Variants in COL5A2 observed in about 807,000 individuals in gnomAD.
The protein encoded by COL5A2 is collagen type V alpha 2 chain, also known as collagen alpha-2(V) chain.
A neutral mutation model predicts 208.2 loss-of-function variants in COL5A2; 23 were observed. The ratio of observed to expected loss-of-function variants is 0.11; its 90% CI spans 0.08 to 0.16. The LOEUF (loss-of-function observed/expected upper bound fraction) is 0.16. Ranked by LOEUF, COL5A2 falls within the 10% of genes least tolerant of loss-of-function variation. The pLI is 1.00. For synonymous variants in COL5A2, 625 were observed against 628.5 expected, an observed-to-expected ratio of 0.99 and a Z score of 0.08; for missense variants, 1,590 against 1,956.4, an observed-to-expected ratio of 0.81 and a Z score of 3.53.
chr2:189,103,737 G>A (rs757864046), intron 3 of COL5A2, among the ~76,000 whole-genome samples: 2 of 151,966 alleles, frequency 1.3e-5, no homozygotes, highest in Non-Finnish European at 2.9e-5. Context: ...GGTGAAGGAG[G>A]GGAGAGGAGG....
the COL5A2 span, among the ~76,000 whole-genome samples, chr2:189,384,066 T>C: frequency 3.9e-5 from 6 of 152,184 alleles, no homozygotes; most frequent in African/African-American, 1.2e-4. Context: ...TTTCCATTCA[T>C]GTTTTTGCAA....
chr2:189,317,204 T>G, the COL5A2 span, among the ~76,000 whole-genome samples: 1 of 152,100 alleles, frequency 6.6e-6, no homozygotes, highest in Admixed American at 6.5e-5. Flanking sequence ...TAAGATTACT[T>G]TATGGAGATG....
At chr2:189,312,046 T>A in the COL5A2 span, 2 of 758,166 alleles carry the variant, frequency 2.6e-6, no homozygotes, top group Non-Finnish European at 4.8e-6. Flanking sequence ...TACTTGACTC[T>A]GAAGTCATCA....
chr2:189,136,802 T>C (rs1687836095), intron 1 of COL5A2, among the ~76,000 whole-genome samples: 1 of 152,110 alleles, frequency 6.6e-6, no homozygotes, highest in Non-Finnish European at 1.5e-5. Flanking sequence ...CTTTTTTCCA[T>C]TTTCTTGCCA....
intron 1 of COL5A2, among the ~76,000 whole-genome samples, chr2:189,120,693 G>A (rs920806975): frequency 2.6e-5 from 4 of 152,036 alleles, no homozygotes; most frequent in Non-Finnish European, 5.9e-5. Flanking sequence ...ACATAGCAGA[G>A]AGAAAGTGGA....
chr2:189,075,509 TA>T, intron 16 of COL5A2, 72 bp from the exon 17 acceptor site: 2 of 1,275,508 alleles, frequency 1.6e-6, no homozygotes, highest in South Asian at 2.5e-5. Context: ...ATTTGCCTTA[TA>T]AAAAATTTCC....
chr2:189,065,905 A>T (rs1363229960), intron 23 of COL5A2, among the ~76,000 whole-genome samples: 1 of 152,206 alleles, frequency 6.6e-6, no homozygotes, highest in Non-Finnish European at 1.5e-5. Flanking sequence ...GGTCTCAGCT[A>T]AAATGCTATC....
chr2:189,099,380 AG>A (rs1441149545), intron 4 of COL5A2, among the ~76,000 whole-genome samples: 4 of 152,084 alleles, frequency 2.6e-5, no homozygotes, highest in Admixed American at 2.6e-4. Flanking sequence ...AAAACTTAGG[AG>A]AATGAGGCCA....
intron 38 of COL5A2, 100 bp from the exon 39 acceptor site, chr2:189,053,118 A>G: frequency 2.0e-6 from 2 of 1,005,032 alleles, no homozygotes; most frequent in South Asian, 2.8e-5. Flanking sequence ...TATATTGTGA[A>G]ACAGTGCTTT....
At chr2:189,161,912 T>A (rs939753646) in intron 1 of COL5A2, among the ~76,000 whole-genome samples, 6 of 152,210 alleles carry the variant, frequency 3.9e-5, no homozygotes, top group African/African-American at 1.4e-4. Context: ...ATGTCTATGA[T>A]GTTCAAAAAG....
At chr2:189,082,478 T>A (rs1446542374) in intron 12 of COL5A2, among the ~76,000 whole-genome samples, 1 of 152,208 alleles carries the variant, frequency 6.6e-6, no homozygotes, top group Non-Finnish European at 1.5e-5. Context: ...TACAGAGATT[T>A]GTCTCCTCTC....
intron 50 of COL5A2, 102 bp downstream of exon 50, chr2:189,041,484 C>T: frequency 6.6e-6 from 6 of 904,790 alleles, no homozygotes; most frequent in Non-Finnish European, 1.1e-5. Flanking sequence ...TTTTCGGGGT[C>T]CCTTAAGTCT....
intron 1 of COL5A2, among the ~76,000 whole-genome samples, chr2:189,136,457 T>C (rs1515864): frequency 0.77 from 115,419 of 149,560 alleles, 47,905 homozygotes; most frequent in South Asian, 0.92. Context: ...ACAGGTTAAC[T>C]AGGAGGTAGT....
At chr2:189,073,882 A>G (rs1686339216) in intron 17 of COL5A2, among the ~76,000 whole-genome samples, 1 of 152,158 alleles carries the variant, frequency 6.6e-6, no homozygotes, top group South Asian at 2.1e-4. Flanking sequence ...CCTTGACTGA[A>G]TAATAGTAGA....
chr2:189,332,228 T>C, the COL5A2 span, among the ~76,000 whole-genome samples: 1 of 152,164 alleles, frequency 6.6e-6, no homozygotes, highest in African/African-American at 2.4e-5. Flanking sequence ...TGATTCATAA[T>C]AGAAGCAGTT....
chr2:189,066,305 C>T, intron 23 of COL5A2, 85 bp downstream of exon 23: 1 of 1,249,966 alleles, frequency 8.0e-7, no homozygotes, highest in Non-Finnish European at 1.2e-6. Context: ...TTTCTCTTAA[C>T]TGTTCTAGTT....
At chr2:189,264,214 CAA>C in the COL5A2 span, among the ~76,000 whole-genome samples, 1 of 151,596 alleles carries the variant, frequency 6.6e-6, no homozygotes, top group Admixed American at 6.6e-5. Context: ...AAAATAAGTC[CAA>C]GAGATAATAT....
In COL5A2 at chr2:189,057,434, T is replaced by C. The variant is rs1324055373; in HGVS notation, c.2230-7A>G. On this transcript the variant is annotated splice_region_variant and splice_polypyrimidine_tract_variant and intron_variant, in intron 33 of 53. Transcript: ENST00000374866. Reference sequence around the variant, plus strand: ...CAGATGGACCTGGACTGCCCTAAAATGAACCAACATTAAGTGACCATACCA... The same window carrying C: ...CAGATGGACCTGGACTGCCCTAAAACGAACCAACATTAAGTGACCATACCA... 1 of 1,586,036 alleles carries C rather than the reference T, an allele frequency of 6.3e-7. No homozygotes were observed. Among genetic ancestry groups the C allele is most frequent in the African/African-American group, 1.3e-5 (1 of 74,428 alleles).
chr2:189,046,079 T>A (rs1190765966), intron 45 of COL5A2, among the ~76,000 whole-genome samples, 172 bp from the exon 46 acceptor site: 1 of 152,140 alleles, frequency 6.6e-6, no homozygotes, highest in African/African-American at 2.4e-5. Flanking sequence ...TAAATCAAAT[T>A]GAAAAGAATA....
Sources: allele counts gnomAD v4.1 joint callset (sites outside exome capture counted in the v4.1 genomes callset), GRCh38; gene constraint gnomAD v4.1.1; transcripts MANE v1.5; gene names NCBI Gene and HGNC (gene_info 2026-07-23, HGNC 2026-07-21).